The following SANBR variants were observed in gnomAD, a reference collection of about 807,000 sequenced individuals.
SANBR encodes SANT and BTB domain regulator of CSR.
In SANBR, 77 loss-of-function variants were observed where a neutral mutation model predicts 101.8. The ratio of observed to expected loss-of-function variants is 0.76; its 90% CI spans 0.63 to 0.91. SANBR has a LOEUF of 0.91. Ranked by LOEUF, SANBR falls within the 40% of genes least tolerant of loss-of-function variation. The probability of loss-of-function intolerance (pLI) is 0.00; values close to 1 mark genes in which losing one functional copy is unlikely to be tolerated. For missense variants in SANBR, 875 were observed against 853.0 expected, an observed-to-expected ratio of 1.03 and a Z score of -0.32; for synonymous variants, 279 against 274.7, an observed-to-expected ratio of 1.02 and a Z score of -0.15.
At position 61,081,524 on chromosome 2, in the gene SANBR, TA is replaced by T. The variant is rs557106305; in HGVS notation, c.729+22del. On this transcript the variant is annotated intron_variant, in intron 7 of 21. Coordinates refer to ENST00000402291, the MANE Select transcript of SANBR (RefSeq NM_001129993.3). Reference sequence around the variant, plus strand: ...ATGGATTCACTAGTAAGTATTGACTTAAAAAAAATCAAAGTGCTTCTGTTCA... The same window carrying T: ...ATGGATTCACTAGTAAGTATTGACTTAAAAAAATCAAAGTGCTTCTGTTCA... The T allele has an allele frequency of 9.1e-6, 14 of 1,533,630 alleles. No individual in the cohort carries two copies. The highest frequency in any genetic ancestry group is 4.7e-5 in the Admixed American group (2 of 42,966).
At chr2:61,098,471 T>C (rs1192936367) in intron 12 of SANBR, among the ~76,000 whole-genome samples, 1 of 152,190 alleles carries the variant, frequency 6.6e-6, no homozygotes, top group East Asian at 1.9e-4. Flanking sequence ...CCTTTTTTAC[T>C]CAACAACATA....
chr2:61,095,085 T>C (rs1181951089), intron 11 of SANBR, among the ~76,000 whole-genome samples: 1 of 152,196 alleles, frequency 6.6e-6, no homozygotes, highest in African/African-American at 2.4e-5. Flanking sequence ...TTGCCCCCCA[T>C]CTCAGTAGCA....
In SANBR at chr2:61,088,562, C is replaced by G; in HGVS notation, c.1088+94C>G. On this transcript the variant is annotated intron_variant, in intron 10 of 21. Transcript: ENST00000402291. ...GGAGACGGAGTCTTACTCTGTCACC[C>G]AGGCTGGCGTGCAGTGGTGTGGTCT... 4.9e-6 allele frequency: 4 copies of G among 817,364 alleles called. No homozygotes were observed. In the South Asian group the frequency reaches 1.0e-4, roughly 20 times the overall value. The allele number at this position is 817,364 out of a possible 1,614,324, so 50.6% of individuals were successfully genotyped here. A position where few individuals can be genotyped will look rare whatever the true frequency, so the allele number is the denominator to read the frequency against.
At chr2:61,082,887 A>G (rs1216310045) in intron 7 of SANBR, among the ~76,000 whole-genome samples, 1 of 152,194 alleles carries the variant, frequency 6.6e-6, no homozygotes, top group Non-Finnish European at 1.5e-5. Context: ...ACCTGCCACA[A>G]TTTTAAAAGA....
At chr2:61,095,229 A>G (rs1682975646) in intron 11 of SANBR, among the ~76,000 whole-genome samples, 1 of 152,232 alleles carries the variant, frequency 6.6e-6, no homozygotes, top group Non-Finnish European at 1.5e-5. Context: ...GAATGCAGAA[A>G]CTTTGAGAGA....
intron 20 of SANBR, 113 bp downstream of exon 20, chr2:61,118,229 GTGTT>G (rs571068965): frequency 8.6e-5 from 60 of 697,656 alleles, no homozygotes; most frequent in Non-Finnish European, 1.1e-4. Context: ...AGTAATTTAT[GTGTT>G]TGTTTGTTTG....
At chr2:61,098,079 T>TA (rs1683115639) in intron 12 of SANBR, among the ~76,000 whole-genome samples, 2 of 143,966 alleles carry the variant, frequency 1.4e-5, no homozygotes, top group Non-Finnish European at 3.0e-5. Flanking sequence ...ATATATATAT[T>TA]TTTTGGAGGT....
At chr2:61,128,611 G>A (rs1684586541), downstream of SANBR, among the ~76,000 whole-genome samples, 1 of 151,828 alleles carries the variant, frequency 6.6e-6, no homozygotes, top group Non-Finnish European at 1.5e-5. Context: ...TCCTGCCTCA[G>A]CCTCCCAAGT....
intron 16 of SANBR, among the ~76,000 whole-genome samples, chr2:61,111,011 A>G (rs1683804136): frequency 6.6e-6 from 1 of 152,206 alleles, no homozygotes; most frequent in Non-Finnish European, 1.5e-5. Flanking sequence ...AGATGCCATC[A>G]GTAGATGGTA....
At chr2:61,093,049 C>T (rs959081830) in intron 11 of SANBR, among the ~76,000 whole-genome samples, 9 of 151,890 alleles carry the variant, frequency 5.9e-5, no homozygotes, top group Non-Finnish European at 1.0e-4. Context: ...AGGAGAATCA[C>T]TTGAACCCGG....
intron 14 of SANBR, among the ~76,000 whole-genome samples, chr2:61,107,690 A>G (rs1165655987): frequency 6.6e-6 from 1 of 152,216 alleles, no homozygotes; most frequent in Non-Finnish European, 1.5e-5. Flanking sequence ...GTCCAAGACC[A>G]GTCTGGTCAA....
In SANBR at chr2:61,122,167, C is replaced by G. The variant is rs1263201184; in HGVS notation, c.*5C>G. The G allele has an allele frequency of 1.3e-6, 2 of 1,548,602 alleles. No homozygotes were observed. The highest frequency in any genetic ancestry group is 1.7e-6 in the Non-Finnish European group (2 of 1,145,204). ...GGTCAAGGGCGTCCTGCATAAAGTA[C>G]CTTAAAATATAAGTAAAAAGAGAGA... On this transcript the variant is annotated 3_prime_UTR_variant, in exon 22 of 22. Transcript: ENST00000402291.
chr2:61,115,342 A>G (rs1684021203), intron 16 of SANBR, among the ~76,000 whole-genome samples: 1 of 94,114 alleles, frequency 1.1e-5, no homozygotes, highest in South Asian at 2.5e-4. Context: ...ATATATATAT[A>G]TATATTTTTT....
rs141096218 is a variant in SANBR at position 61,136,970 on chromosome 2, A to AAAC, written c.*45-475_*45-473dup. 3.4e-3 allele frequency among the ~76,000 whole-genome samples: 515 copies of AAAC among 151,510 alleles called. 1 individual carries two copies. Among genetic ancestry groups the AAAC allele is most frequent in the East Asian group, 4.6e-3 (24 of 5,174 alleles). On this transcript the variant is annotated intron_variant, in intron 21 of 21. Transcript: ENST00000295031. ...GTGCGACAGAATGAGACTGTCTCCA[A>AAAC]AACAACAACAACAACAACAACGATA...
At chr2:61,072,178 A>G (rs1056143762) in intron 4 of SANBR, among the ~76,000 whole-genome samples, 2 of 151,910 alleles carry the variant, frequency 1.3e-5, no homozygotes, top group Admixed American at 6.6e-5. Flanking sequence ...AGCTCAGGCC[A>G]TCCGTCCGCC....
rs780724148 is a variant in SANBR at position 61,076,983 on chromosome 2, G to A, written c.495G>A (p.Pro165=). 9.2e-5 allele frequency: 148 copies of A among 1,613,970 alleles called. No homozygotes were observed. The highest frequency in any genetic ancestry group is 1.1e-4 in the Non-Finnish European group (134 of 1,180,008). The change falls in exon 6 of 22, where the codon CCG becomes CCA. Residue 165 remains proline (P), a synonymous_variant. Transcript: ENST00000402291. The part of the protein sequence containing the change: ...AKNLKEDFTC[P]RDLLISEMKY... ...ACTTGAAAGAAGATTTTACTTGCCC[G>A]CGAGATCTTTTGATATCAGAAATGA...
At position 61,088,205 on chromosome 2, in the gene SANBR, T is replaced by C; in HGVS notation, c.937T>C (p.Leu313=). The C allele has an allele frequency of 6.2e-7, 1 of 1,609,536 alleles. No homozygotes were observed. ...TGAAAGACTGTTTGATCCTGAGTAC[T>C]TGAATCCAGATTCTCGGAGTAATGC... ...KIERLFDPEY[L]NPDSRSNAAT... The change falls in exon 9 of 22, where the codon TTG becomes CTG. Residue 313 remains leucine (L), a synonymous_variant. Coordinates refer to ENST00000402291, the MANE Select transcript of SANBR (RefSeq NM_001129993.3).
At chr2:61,104,129 TTA>T (rs965004816) in intron 13 of SANBR, 131 bp downstream of exon 13, 2 of 746,144 alleles carry the variant, frequency 2.7e-6, no homozygotes. Context: ...TTAACTGAAA[TTA>T]TATGTTAGCT....
chr2:61,083,059 A>T, intron 7 of SANBR, 95 bp from the exon 8 acceptor site: 1 of 1,012,740 alleles, frequency 9.9e-7, no homozygotes, highest in South Asian at 1.6e-5. Context: ...CAATATATGG[A>T]TTAGACTTTT....
Sources: allele counts gnomAD v4.1 joint callset (sites outside exome capture counted in the v4.1 genomes callset), GRCh38; gene constraint gnomAD v4.1.1; transcripts MANE v1.5; gene names NCBI Gene and HGNC (gene_info 2026-07-23, HGNC 2026-07-21).